ITGA9: variants seen among roughly 807,000 people sequenced by gnomAD.
ITGA9 encodes the protein integrin subunit alpha 9.
In ITGA9, 56 loss-of-function variants were observed where a neutral mutation model predicts 127.8. The observed-to-expected ratio is 0.44, with a 90% CI of 0.35 to 0.55. The LOEUF is 0.55. ITGA9 is among the 20% of genes least tolerant of loss of function. The pLI is 0.00. For missense variants in ITGA9, 1,196 were observed against 1,347.1 expected, an observed-to-expected ratio of 0.89 and a Z score of 1.76; for synonymous variants, 508 against 514.5, an observed-to-expected ratio of 0.99 and a Z score of 0.17.
At chr3:37,681,846 C>T (rs550430742) in intron 17 of ITGA9, among the ~76,000 whole-genome samples, 6 of 152,016 alleles carry the variant, frequency 3.9e-5, no homozygotes, top group Admixed American at 3.9e-4. Flanking sequence ...ACCTCTCAAA[C>T]GTTCACCTCT....
chr3:37,590,882 C>T (rs896347067), intron 15 of ITGA9, among the ~76,000 whole-genome samples: 2 of 152,172 alleles, frequency 1.3e-5, no homozygotes, highest in Non-Finnish European at 2.9e-5. Context: ...GCAGGGCACC[C>T]TGCAGCTTTG....
intron 23 of ITGA9, among the ~76,000 whole-genome samples, chr3:37,772,779 T>A (rs1196245451): frequency 1.2e-4 from 18 of 152,144 alleles, no homozygotes; most frequent in Admixed American, 1.2e-3. Flanking sequence ...TTGAAGTGAT[T>A]CCCATGTAAC....
Position 37,743,935 on chromosome 3 carries a change from T to C in ITGA9, c.2334T>C (p.Ser778=). 1 of 1,612,580 alleles carries C rather than the reference T, an allele frequency of 6.2e-7. No homozygotes were observed. The highest frequency in any genetic ancestry group is 1.3e-5 in the African/African-American group (1 of 75,018). ...EVDTSITGIM[S]PTSFVYGESV... is the part of the protein sequence containing the mutation. ...TGCTTTCCTCTTTCAGAATCATGTC[T>C]CCAACCTCCTTTGTATATGGCGAGT... is the stretch of plus-strand genomic sequence containing the variant. The change falls in exon 22 of 28, where the codon TCT becomes TCC. Residue 778 remains serine, a synonymous_variant. Transcript: ENST00000264741.
intron 18 of ITGA9, among the ~76,000 whole-genome samples, chr3:37,688,181 G>A (rs1384123636): frequency 6.6e-6 from 1 of 152,228 alleles, no homozygotes; most frequent in African/African-American, 2.4e-5. Context: ...CCTTTGACCT[G>A]GAGGGGCATG....
At chr3:37,457,183 G>T (rs1698269562) in intron 1 of ITGA9, among the ~76,000 whole-genome samples, 1 of 152,238 alleles carries the variant, frequency 6.6e-6, no homozygotes, top group Non-Finnish European at 1.5e-5. Flanking sequence ...AGGTTGAATT[G>T]TCTTTCTACT....
intron 16 of ITGA9, among the ~76,000 whole-genome samples, chr3:37,638,943 A>G (rs1007698455): frequency 2.0e-5 from 3 of 152,206 alleles, no homozygotes; most frequent in African/African-American, 7.2e-5. Flanking sequence ...TATAGGGTAC[A>G]TAGTCCTGGG....
Position 37,542,509 on chromosome 3 carries a change from C to T in ITGA9, c.1613C>T (p.Thr538Ile). ...GTCTACTTTGTGCTGCTGGGAGAGA[C>T]CATGGGTCAGGTCACAGAGAAGCTG... The part of the protein sequence containing the change: ...PRVYFVLLGE[T>I]MGQVTEKLQL... The change falls in exon 15 of 28, where the codon ACC (threonine) becomes ATC (isoleucine). Residue 538 changes from threonine to isoleucine, a missense_variant. Thr to Ile is a moderately conservative substitution (Grantham distance 89). Coordinates refer to ENST00000264741, the MANE Select transcript of ITGA9 (RefSeq NM_002207.3). 1 of 1,614,052 alleles carries T rather than the reference C, an allele frequency of 6.2e-7. No individual in the cohort carries two copies. The highest frequency in any genetic ancestry group is 8.5e-7 in the Non-Finnish European group (1 of 1,180,008).
At position 37,743,883 on chromosome 3, in the gene ITGA9, G is replaced by A. The variant is rs139237635; in HGVS notation, c.2325-43G>A. ...AGAATGGCAGTGACCATGGGTGCTT[G>A]ACTGTGGGTGGGGATGACAGATTTC... On this transcript the variant is annotated intron_variant, in intron 21 of 27. Coordinates refer to ENST00000264741, the MANE Select transcript of ITGA9 (RefSeq NM_002207.3). 1,318 of 1,339,446 alleles carry A rather than the reference G, an allele frequency of 9.8e-4. 6 individuals are homozygous for A. The African/African-American group carries it at 0.015, about 15-fold the overall frequency. 83.0% of individuals were successfully genotyped at this position (1,339,446 alleles called of 1,614,324 possible). A position where few individuals can be genotyped will look rare whatever the true frequency, so the allele number is the denominator to read the frequency against.
At chr3:37,558,851 G>T (rs1332164262) in intron 15 of ITGA9, among the ~76,000 whole-genome samples, 1 of 152,154 alleles carries the variant, frequency 6.6e-6, no homozygotes, top group Non-Finnish European at 1.5e-5. Context: ...CCCCTGGGCT[G>T]ACTTTCCACC....
In ITGA9 at chr3:37,618,815, G is replaced by A. The variant is rs111245955; in HGVS notation, c.1690-10372G>A. Among the ~76,000 whole-genome samples the A allele has an allele frequency of 3.3e-3, 501 of 152,340 alleles. 2 individuals carry two copies. The highest frequency in any genetic ancestry group is 0.011 in the African/African-American group (466 of 41,564). ...TGTTTGCTAAGACTGTTGGAAAAGC[G>A]CAGTATTAGGGTAGGAGTGACCCGA... On this transcript the variant is annotated intron_variant, in intron 15 of 27. Transcript: ENST00000264741.
chr3:37,501,093 A>G (rs1233238488), intron 5 of ITGA9, among the ~76,000 whole-genome samples: 1 of 152,196 alleles, frequency 6.6e-6, no homozygotes, highest in Non-Finnish European at 1.5e-5. Context: ...CTGAGATATA[A>G]TAGTAGGTGC....
intron 23 of ITGA9, among the ~76,000 whole-genome samples, chr3:37,771,699 A>G (rs987960560): frequency 2.6e-5 from 4 of 152,278 alleles, no homozygotes; most frequent in East Asian, 3.9e-4. Flanking sequence ...TTCCAGAAAC[A>G]ACATTCCAGA....
chr3:37,782,913 GCA>G (rs1696993464), intron 25 of ITGA9, among the ~76,000 whole-genome samples: 1 of 152,178 alleles, frequency 6.6e-6, no homozygotes, highest in Non-Finnish European at 1.5e-5. Context: ...GCTGAGGTGG[GCA>G]TATCACAAGG....
chr3:37,658,324 C>T (rs1700497787), intron 17 of ITGA9, among the ~76,000 whole-genome samples: 1 of 152,138 alleles, frequency 6.6e-6, no homozygotes, highest in South Asian at 2.1e-4. Context: ...GAGTCTAAGT[C>T]TCTTTGTAGG....
intron 3 of ITGA9, among the ~76,000 whole-genome samples, chr3:37,477,596 C>G (rs1698506863): frequency 6.6e-6 from 1 of 152,162 alleles, no homozygotes; most frequent in South Asian, 2.1e-4. Flanking sequence ...CAAGCCCCTT[C>G]CCTTCTCACT....
At chr3:37,802,978 C>A (rs534138829) in intron 26 of ITGA9, among the ~76,000 whole-genome samples, 1 of 152,154 alleles carries the variant, frequency 6.6e-6, no homozygotes, top group Admixed American at 6.5e-5. Flanking sequence ...TACAGCCTCT[C>A]GAACGAGTTT....
At chr3:37,600,084 A>G (rs1451595241) in intron 15 of ITGA9, among the ~76,000 whole-genome samples, 1 of 152,220 alleles carries the variant, frequency 6.6e-6, no homozygotes, top group Non-Finnish European at 1.5e-5. Context: ...TTCAGTAAAC[A>G]GAAGATGGGC....
intron 15 of ITGA9, among the ~76,000 whole-genome samples, chr3:37,555,803 A>G (rs946980299): frequency 6.6e-6 from 1 of 152,230 alleles, no homozygotes; most frequent in Non-Finnish European, 1.5e-5. Context: ...TACAGGCCCC[A>G]TATACAATGG....
intron 15 of ITGA9, among the ~76,000 whole-genome samples, chr3:37,573,387 C>A (rs759129769): frequency 6.6e-6 from 1 of 152,286 alleles, no homozygotes; most frequent in South Asian, 2.1e-4. Flanking sequence ...AAACTTGGGG[C>A]TGTGAAATAA....
Sources: gnomAD v4.1 joint callset for allele counts (sites outside exome capture counted in the v4.1 genomes callset) on GRCh38, gnomAD v4.1.1 for gene constraint, MANE v1.5 for transcripts, NCBI Gene and HGNC (gene_info 2026-07-23, HGNC 2026-07-21) for gene names.